DNAJC1: variants seen among roughly 807,000 people sequenced by gnomAD.
DNAJC1 encodes the protein DnaJ heat shock protein family (Hsp40) member C1, also known as dnaJ homolog subfamily C member 1.
DNAJC1 carries 58 observed loss-of-function variants against 76.6 expected under a neutral mutation model. That is an observed-to-expected ratio of 0.76 (90% confidence interval 0.61 to 0.94). DNAJC1 has a LOEUF of 0.94. Among genes scored for constraint, DNAJC1 ranks in the 40% least tolerant of loss-of-function variants. The pLI, the probability that DNAJC1 is intolerant of heterozygous loss-of-function variation, is 0.00. For synonymous variants in DNAJC1, 258 were observed against 267.9 expected, an observed-to-expected ratio of 0.96 and a Z score of 0.36; for missense variants, 689 against 677.3, an observed-to-expected ratio of 1.02 and a Z score of -0.19.
chr10:21,979,801 T>A (rs765780210), intron 1 of DNAJC1, among the ~76,000 whole-genome samples: 6 of 151,964 alleles, frequency 3.9e-5, no homozygotes, highest in Non-Finnish European at 8.8e-5. Flanking sequence ...TTCTCTTTCT[T>A]ACCTACCCAC....
At chr10:22,002,774 G>T (rs1162681986) in intron 1 of DNAJC1, among the ~76,000 whole-genome samples, 2 of 152,032 alleles carry the variant, frequency 1.3e-5, no homozygotes, top group Admixed American at 1.3e-4. Flanking sequence ...GGTAAGTATC[G>T]GTGGAAGATG....
chr10:21,771,219 T>G (rs1231923657), intron 9 of DNAJC1, among the ~76,000 whole-genome samples: 1 of 152,226 alleles, frequency 6.6e-6, no homozygotes, highest in Non-Finnish European at 1.5e-5. Flanking sequence ...TTTCTATATA[T>G]AAAATCATGC....
At chr10:21,937,223 A>G (rs1837323821) in intron 1 of DNAJC1, among the ~76,000 whole-genome samples, 1 of 152,150 alleles carries the variant, frequency 6.6e-6, no homozygotes, top group African/African-American at 2.4e-5. Flanking sequence ...GGTGTCTATA[A>G]GAGACTCACT....
Position 21,812,601 on chromosome 10 carries a change from T to C in DNAJC1, c.979-6502A>G, listed in dbSNP as rs150997390. On this transcript the variant is annotated intron_variant, in intron 8 of 11. Coordinates refer to ENST00000376980, the MANE Select transcript of DNAJC1 (RefSeq NM_022365.4). ...TTCCTTTTTAGAGACAGAGCCTTGC[T>C]CTGTTGCCCAGGCTGGAGCACAGTG... Among the ~76,000 whole-genome samples, 70 of 152,192 alleles carry C rather than the reference T, an allele frequency of 4.6e-4. 1 individual carries two copies. Among genetic ancestry groups the C allele is most frequent in the African/African-American group, 1.6e-3 (67 of 41,526 alleles).
At position 21,756,548 on chromosome 10, in the gene DNAJC1, T is replaced by C. The variant is rs548204081; in HGVS notation, c.*139A>G. The C allele has an allele frequency of 3.3e-5, 21 of 640,422 alleles. No homozygotes were observed. In the East Asian group the frequency reaches 5.2e-4, roughly 16 times the overall value. The allele number at this position is 640,422 out of a possible 1,614,324, so 39.7% of individuals were successfully genotyped here. A position where few individuals can be genotyped will look rare whatever the true frequency, so the allele number is the denominator to read the frequency against. The stretch of plus-strand genomic sequence containing the variant: ...TTGTTTAAACAGTATAGCACAACAC[T>C]CATCTTTTATTTATTTATTATTTTT... On this transcript the variant is annotated 3_prime_UTR_variant, in exon 12 of 12. Transcript: ENST00000376980.
At chr10:21,838,964 C>G (rs1835521704) in intron 8 of DNAJC1, among the ~76,000 whole-genome samples, 1 of 152,200 alleles carries the variant, frequency 6.6e-6, no homozygotes. Flanking sequence ...AACCGCTCAA[C>G]TACATGGAAA....
chr10:21,897,439 A>G (rs1443022852), intron 7 of DNAJC1, among the ~76,000 whole-genome samples: 2 of 152,152 alleles, frequency 1.3e-5, no homozygotes, highest in Non-Finnish European at 2.9e-5. Flanking sequence ...GAATAGAGGG[A>G]AACTTTATTA....
chr10:21,980,913 T>A (rs1449638827), intron 1 of DNAJC1, among the ~76,000 whole-genome samples: 1 of 152,114 alleles, frequency 6.6e-6, no homozygotes, highest in Non-Finnish European at 1.5e-5. Context: ...GAAACCCTAC[T>A]GTATTTGTAG....
chr10:21,850,153 CT>C (rs1269030507), intron 8 of DNAJC1, among the ~76,000 whole-genome samples: 1 of 152,156 alleles, frequency 6.6e-6, no homozygotes, highest in Admixed American at 6.5e-5. Flanking sequence ...TAATGGACAT[CT>C]GAATTGGAAG....
At chr10:21,935,452 A>C (rs1246524696) in intron 1 of DNAJC1, among the ~76,000 whole-genome samples, 1 of 152,150 alleles carries the variant, frequency 6.6e-6, no homozygotes, top group Non-Finnish European at 1.5e-5. Context: ...AAAGGAAAAA[A>C]ATGAATAAAA....
chr10:21,782,455 C>T (rs1049688586), intron 9 of DNAJC1, among the ~76,000 whole-genome samples: 3 of 152,142 alleles, frequency 2.0e-5, no homozygotes, highest in Non-Finnish European at 4.4e-5. Context: ...CGAATTCTAC[C>T]AGAGGTACAA....
At chr10:21,939,626 T>C (rs999044137) in intron 1 of DNAJC1, among the ~76,000 whole-genome samples, 9 of 152,118 alleles carry the variant, frequency 5.9e-5, no homozygotes, top group African/African-American at 2.2e-4. Context: ...TAGCCTAGGA[T>C]CAATAGTCTA....
chr10:21,805,805 G>C (rs1159184942), intron 9 of DNAJC1, among the ~76,000 whole-genome samples, 175 bp downstream of exon 9: 1 of 152,102 alleles, frequency 6.6e-6, no homozygotes, highest in Non-Finnish European at 1.5e-5. Flanking sequence ...TGTGGACCAG[G>C]GGACTGGCTC....
In DNAJC1 at chr10:21,835,454, G is replaced by A. The variant is rs186082544; in HGVS notation, c.979-29355C>T. Reference sequence around the variant, plus strand: ...TCCAAAGGAATGCAGCTCCTCACCAGCAAGGGAACAAAGCTGGATGGAGAA... The same window carrying A: ...TCCAAAGGAATGCAGCTCCTCACCAACAAGGGAACAAAGCTGGATGGAGAA... On this transcript the variant is annotated intron_variant, in intron 8 of 11. Transcript: ENST00000376980. 2.6e-5 allele frequency among the ~76,000 whole-genome samples: 4 copies of A among 152,320 alleles called. No homozygotes were observed. The East Asian group carries it at 7.7e-4, about 29-fold the overall frequency.
chr10:21,911,780 A>G (rs549661882), intron 6 of DNAJC1, among the ~76,000 whole-genome samples: 1 of 152,308 alleles, frequency 6.6e-6, no homozygotes, highest in African/African-American at 2.4e-5. Context: ...AGTAGAAACC[A>G]TACTTCCAGG....
At chr10:21,771,461 CTGAG>C (rs887335348) in intron 9 of DNAJC1, among the ~76,000 whole-genome samples, 2 of 151,266 alleles carry the variant, frequency 1.3e-5, no homozygotes, top group Admixed American at 6.6e-5. Context: ...TCCTAGTCTG[CTGAG>C]TGTTTTTATA....
chr10:21,997,443 T>C (rs1189826290), intron 1 of DNAJC1, among the ~76,000 whole-genome samples: 2 of 152,222 alleles, frequency 1.3e-5, no homozygotes, highest in African/African-American at 4.8e-5. Flanking sequence ...GATAATTGCC[T>C]TACTGGTCTG....
chr10:21,920,857 T>G lies in DNAJC1; in HGVS notation c.478A>C (p.Ile160Leu). The G allele has an allele frequency of 6.2e-7, 1 of 1,613,154 alleles. No individual in the cohort carries two copies. The highest frequency in any genetic ancestry group is 8.5e-7 in the Non-Finnish European group (1 of 1,179,342). The change falls in exon 4 of 12, where the codon ATT becomes CTT. Residue 160 changes from isoleucine (I) to leucine (L), a missense_variant. By Grantham distance (5) the Ile-to-Leu change is conservative. Transcript: ENST00000376980. ...GCATAATGACCCACTGTGAGAATAA[T>G]GAACAAGAGTAATGCCAGCTCAGCA... Reference protein sequence around the residue: ...SNAELALLLFIILTVGHYAVV... With the variant: ...SNAELALLLFLILTVGHYAVV...
At chr10:21,836,414 A>G (rs940695042) in intron 8 of DNAJC1, among the ~76,000 whole-genome samples, 1 of 152,244 alleles carries the variant, frequency 6.6e-6, no homozygotes, top group African/African-American at 2.4e-5. Context: ...AAGAAACTGC[A>G]TCAACTAACG....
Sources: gnomAD v4.1 joint callset for allele counts (sites outside exome capture counted in the v4.1 genomes callset) on GRCh38, gnomAD v4.1.1 for gene constraint, MANE v1.5 for transcripts, NCBI Gene and HGNC (gene_info 2026-07-23, HGNC 2026-07-21) for gene names.